PEBP1: variants seen among roughly 807,000 people sequenced by gnomAD.
PEBP1 encodes phosphatidylethanolamine binding protein 1.
Under a neutral mutation model 22.7 loss-of-function variants are expected in PEBP1, and 17 were observed. That is an observed-to-expected ratio of 0.75 (90% confidence interval 0.51 to 1.12). The LOEUF is 1.12. Among genes scored for constraint, PEBP1 ranks in the 50% most tolerant of loss-of-function variants. PEBP1 has a pLI of 0.00. For synonymous variants in PEBP1, 106 were observed against 104.3 expected, an observed-to-expected ratio of 1.02 and a Z score of -0.10; for missense variants, 205 against 243.5, an observed-to-expected ratio of 0.84 and a Z score of 1.05.
chr12:118,144,481 G>T, intron 3 of PEBP1, 105 bp from the exon 4 acceptor site: 1 of 1,044,150 alleles, frequency 9.6e-7, no homozygotes, highest in Admixed American at 2.1e-5. Context: ...CTTGTAAATG[G>T]TGTGGTCTGG....
intron 3 of PEBP1, among the ~76,000 whole-genome samples, chr12:118,144,277 G>A (rs937792223): frequency 6.6e-6 from 1 of 152,080 alleles, no homozygotes; most frequent in Non-Finnish European, 1.5e-5. Context: ...GCGAGGATAA[G>A]GGGGTGCAGA....
chr12:118,136,173 G>A lies in PEBP1; in HGVS notation c.-37G>A. On this transcript the variant is annotated 5_prime_UTR_variant, in exon 1 of 4. Coordinates refer to ENST00000261313, the MANE Select transcript of PEBP1 (RefSeq NM_002567.4). This position sits in a 1 kb window ranked among gnomAD's most constrained non-coding sequence, Gnocchi z 5.6. ...CTCTGTCGCCCGCGCCTGGCCTACCGCGGCACTCCCGGCTGCACGCTCTGC... is the reference window on the plus strand; with the variant it reads ...CTCTGTCGCCCGCGCCTGGCCTACCACGGCACTCCCGGCTGCACGCTCTGC... 6.5e-7 allele frequency: 1 copy of A among 1,538,994 alleles called. No individual in the cohort carries two copies. The highest frequency in any genetic ancestry group is 8.7e-7 in the Non-Finnish European group (1 of 1,145,530).
intron 2 of PEBP1, 35 bp from the exon 3 acceptor site, chr12:118,139,413 TCTC>T (rs781397593): frequency 1.2e-5 from 17 of 1,416,440 alleles, no homozygotes; most frequent in Non-Finnish European, 1.7e-5. Context: ...TGTTCCCTGA[TCTC>T]CTGTGGTGCT....
In PEBP1 at chr12:118,139,618, A is replaced by G. The variant is rs182463979; in HGVS notation, c.346+67A>G. On this transcript the variant is annotated intron_variant, in intron 3 of 3. Transcript: ENST00000261313. ...TCGGGGGCACATTAGGATTGACCCA[A>G]TGCTTTTCTTTTGAGAGCCCTTAAC... 9.3e-4 allele frequency: 911 copies of G among 975,482 alleles called. 3 individuals carry two copies. The highest frequency in any genetic ancestry group is 3.3e-4 in the South Asian group (24 of 71,654). 60.4% of individuals were successfully genotyped at this position (975,482 alleles called of 1,614,324 possible). A position where few individuals can be genotyped will look rare whatever the true frequency, so the allele number is the denominator to read the frequency against.
At position 118,136,535 on chromosome 12, in the gene PEBP1, C is replaced by T. The variant is rs925423012; in HGVS notation, c.135+191C>T. 2.6e-5 allele frequency among the ~76,000 whole-genome samples: 4 copies of T among 152,242 alleles called. No homozygotes were observed. The highest frequency in any genetic ancestry group is 7.2e-5 in the African/African-American group (3 of 41,470). On this transcript the variant is annotated intron_variant, in intron 1 of 3. Coordinates refer to ENST00000261313, the MANE Select transcript of PEBP1 (RefSeq NM_002567.4). The surrounding 1 kb of genome is among the most constrained non-coding windows in gnomAD (Gnocchi z 5.6). ...GGGGCCACCCCGAGCACCGGGAACC[C>T]GGCCTGTGGCGTGGCCAGGCAGGTT...
At position 118,145,162 on chromosome 12, in the gene PEBP1, G is replaced by A. The variant is rs1051175; in HGVS notation, c.*359G>A. 140,010 of 302,030 alleles carry A rather than the reference G, an allele frequency of 0.46. 34,351 individuals carry two copies. The highest frequency in any genetic ancestry group is 0.51 in the Admixed American group (11,110 of 21,798). The allele number at this position is 302,030 out of a possible 1,614,324, so 18.7% of individuals were successfully genotyped here. On this transcript the variant is annotated 3_prime_UTR_variant, in exon 4 of 4. Coordinates refer to ENST00000261313, the MANE Select transcript of PEBP1 (RefSeq NM_002567.4). ...GCAAAGCATCAAAGAATCTTTAAGG[G>A]AGGTTTAAAAAAAAAAAAAAAAAAA...
Position 118,144,723 on chromosome 12 carries a change from G to A in PEBP1, c.484G>A (p.Ala162Thr). 1 of 1,614,148 alleles carries A rather than the reference G, an allele frequency of 6.2e-7. No homozygotes were observed. Among genetic ancestry groups the A allele is most frequent in the Non-Finnish European group, 8.5e-7 (1 of 1,180,026 alleles). Residue 162 changes from alanine (A) to threonine (T), a missense_variant, in exon 4 of 4, where the codon GCC (alanine) becomes ACC (threonine). By Grantham distance (58) the Ala-to-Thr change is moderately conservative (BLOSUM62 0). Transcript: ENST00000261313. The part of the protein sequence containing the change: ...ASFRKKYELR[A>T]PVAGTCYQAE... ...CTTCCGTAAAAAGTATGAGCTCAGG[G>A]CCCCGGTGGCTGGCACGTGTTACCA...
At chr12:118,143,148 G>A (rs781363786) in intron 3 of PEBP1, among the ~76,000 whole-genome samples, 6 of 152,050 alleles carry the variant, frequency 3.9e-5, no homozygotes, top group South Asian at 2.1e-4. Context: ...TACCATGCCC[G>A]ACCACTACAT....
chr12:118,137,968 T>G, intron 1 of PEBP1, 71 bp from the exon 2 acceptor site: 16 of 1,023,080 alleles, frequency 1.6e-5, no homozygotes, highest in Non-Finnish European at 2.1e-5. Flanking sequence ...ATTACAGGCG[T>G]GAGCCACCAC....
chr12:118,143,788 C>G (rs1189901558), intron 3 of PEBP1, among the ~76,000 whole-genome samples: 1 of 151,704 alleles, frequency 6.6e-6, no homozygotes, highest in Non-Finnish European at 1.5e-5. Context: ...ACCTGTAATC[C>G]TAGCTACTCA....
At position 118,138,544 on chromosome 12, in the gene PEBP1, G is replaced by A. The variant is rs538578038; in HGVS notation, c.245+396G>A. 7.4e-4 allele frequency among the ~76,000 whole-genome samples: 113 copies of A among 151,894 alleles called. 1 individual carries two copies. The highest frequency in any genetic ancestry group is 1.0e-3 in the Admixed American group (16 of 15,246). On this transcript the variant is annotated intron_variant, in intron 2 of 3. Coordinates refer to ENST00000261313, the MANE Select transcript of PEBP1 (RefSeq NM_002567.4). ...TAACCGAGTAGCTGGAATTACAAGCGCCCACCACCATGCCTGGCTAATTTT... is the reference window on the plus strand; with the variant it reads ...TAACCGAGTAGCTGGAATTACAAGCACCCACCACCATGCCTGGCTAATTTT...
At chr12:118,137,330 A>G (rs951630735) in intron 1 of PEBP1, among the ~76,000 whole-genome samples, 2 of 152,064 alleles carry the variant, frequency 1.3e-5, no homozygotes, top group African/African-American at 2.4e-5. Context: ...TACTAGCCCC[A>G]TGGTGTTGTT....
In PEBP1 at chr12:118,138,098, C is replaced by G. The variant is rs1312541395; in HGVS notation, c.195C>G (p.Thr65=). 16 of 1,613,866 alleles carry G rather than the reference C, an allele frequency of 9.9e-6. No individual in the cohort carries two copies. In the African/African-American group the frequency reaches 2.0e-4, roughly 20 times the overall value. ...WDGLDSGKLY[T]LVLTDPDAPS... ...GTCTTGATTCAGGGAAGCTCTACAC[C>G]TTGGTCCTGACAGACCCGGATGCTC... The change falls in exon 2 of 4, where the codon ACC becomes ACG. Residue 65 remains threonine (T), a synonymous_variant. Coordinates refer to ENST00000261313, the MANE Select transcript of PEBP1 (RefSeq NM_002567.4).
Position 118,144,716 on chromosome 12 carries a change from G to C in PEBP1, c.477G>C (p.Glu159Asp), listed in dbSNP as rs759779990. Reference sequence around the variant, plus strand: ...TGGCGTCCTTCCGTAAAAAGTATGAGCTCAGGGCCCCGGTGGCTGGCACGT... The same window carrying C: ...TGGCGTCCTTCCGTAAAAAGTATGACCTCAGGGCCCCGGTGGCTGGCACGT... The part of the protein sequence containing the change: ...FKVASFRKKY[E>D]LRAPVAGTCY... The change falls in exon 4 of 4, where the codon GAG becomes GAC. Residue 159 changes from glutamate to aspartate, a missense_variant. Physicochemically the swap from Glu to Asp is conservative, Grantham distance 45 (BLOSUM62 2). Coordinates refer to ENST00000261313, the MANE Select transcript of PEBP1 (RefSeq NM_002567.4). 6.2e-7 allele frequency: 1 copy of C among 1,614,014 alleles called. No individual in the cohort carries two copies. The highest frequency in any genetic ancestry group is 8.5e-7 in the Non-Finnish European group (1 of 1,180,032).
rs2034053592 is a variant in PEBP1, at chr12:118,136,137, C to T, written c.-73C>T. 7.9e-6 allele frequency: 12 copies of T among 1,521,584 alleles called. No homozygotes were observed. In the South Asian group the frequency reaches 1.4e-4, roughly 18 times the overall value. The allele number at this position is 1,521,584 out of a possible 1,614,324, so 94.3% of individuals were successfully genotyped here. ...TCTTCCCGAGCCAGTGTGCTGAGCT[C>T]TCCGCGTCGCCTCTGTCGCCCGCGC... On this transcript the variant is annotated 5_prime_UTR_variant, in exon 1 of 4. Coordinates refer to ENST00000261313, the MANE Select transcript of PEBP1 (RefSeq NM_002567.4). This position sits in a 1 kb window ranked among gnomAD's most constrained non-coding sequence, Gnocchi z 5.6.
intron 3 of PEBP1, 32 bp from the exon 4 acceptor site, chr12:118,144,554 T>C (rs766634324): frequency 1.7e-5 from 27 of 1,589,616 alleles, no homozygotes; most frequent in Middle Eastern, 3.3e-4. Flanking sequence ...TGCTGGGCTG[T>C]GTGTACATCT....
chr12:118,138,414 T>G (rs866443567), intron 2 of PEBP1, among the ~76,000 whole-genome samples: 16 of 152,124 alleles, frequency 1.1e-4, no homozygotes, highest in Admixed American at 7.9e-4. Flanking sequence ...TTATTTTTTA[T>G]TTTTTTGAGA....
chr12:118,138,037 A>C lies in PEBP1; in HGVS notation c.136-2A>C. 1 of 1,608,168 alleles carries C rather than the reference A, an allele frequency of 6.2e-7. No individual in the cohort carries two copies. Among genetic ancestry groups the C allele is most frequent in the Non-Finnish European group, 8.5e-7 (1 of 1,175,344 alleles). ...TTACTGCAAACTGGTTCCTTCATAC[A>C]GGTTAAGAATAGACCCACCAGCATT... On this transcript the variant is annotated splice_acceptor_variant, in intron 1 of 3. Transcript: ENST00000261313. LOFTEE classifies it high-confidence loss of function.
chr12:118,137,073 TC>T (rs1341066494), intron 1 of PEBP1, among the ~76,000 whole-genome samples: 2 of 152,204 alleles, frequency 1.3e-5, no homozygotes, highest in African/African-American at 4.8e-5. Flanking sequence ...GTAGTGCCCA[TC>T]TAACACAGCC....
Sources: allele counts gnomAD v4.1 joint callset (sites outside exome capture counted in the v4.1 genomes callset), GRCh38; gene constraint gnomAD v4.1.1; non-coding constraint Gnocchi (gnomAD v3.1); transcripts MANE v1.5; gene names NCBI Gene and HGNC (gene_info 2026-07-23, HGNC 2026-07-21).